Variants in RXFP1 observed in about 807,000 individuals in gnomAD.
The protein encoded by RXFP1 is relaxin family peptide receptor 1.
A neutral mutation model predicts 89.8 loss-of-function variants in RXFP1; 73 were observed. That is an observed-to-expected ratio of 0.81 (90% confidence interval 0.67 to 0.99). The LOEUF is 0.99. RXFP1 is among the 50% of genes least tolerant of loss of function. RXFP1 has a pLI of 0.00. For synonymous variants in RXFP1, 277 were observed against 305.5 expected (o/e 0.91, Z 0.97); for missense variants, 793 against 895.5 (o/e 0.89, Z 1.46).
At position 158,603,113 on chromosome 4, in the gene RXFP1, G is replaced by A. The variant is rs865838629; in HGVS notation, c.393-1955G>A. ...GCCCAGCTAATTTTTTTAATTGTTTGTAGAGATGGCGGTGGGGGGGCAGTC... is the reference window on the plus strand; with the variant it reads ...GCCCAGCTAATTTTTTTAATTGTTTATAGAGATGGCGGTGGGGGGGCAGTC... On this transcript the variant is annotated intron_variant, in intron 4 of 17. Coordinates refer to ENST00000307765, the MANE Select transcript of RXFP1 (RefSeq NM_021634.4). 1.3e-4 allele frequency among the ~76,000 whole-genome samples: 19 copies of A among 151,970 alleles called. 1 individual carries two copies. Among genetic ancestry groups the A allele is most frequent in the African/African-American group, 4.6e-4 (19 of 41,364 alleles).
At chr4:158,608,464 AAG>A (rs1307928638) in intron 6 of RXFP1, among the ~76,000 whole-genome samples, 3 of 151,176 alleles carry the variant, frequency 2.0e-5, no homozygotes, top group African/African-American at 7.3e-5. Flanking sequence ...GTCTCTGACA[AAG>A]AAAAAAAAAA....
intron 2 of RXFP1, among the ~76,000 whole-genome samples, chr4:158,592,530 T>C (rs1759703995): frequency 6.6e-6 from 1 of 152,092 alleles, no homozygotes; most frequent in Non-Finnish European, 1.5e-5. Flanking sequence ...GCCAAGATAG[T>C]GCCATTGCCC....
intron 17 of RXFP1, among the ~76,000 whole-genome samples, chr4:158,650,699 G>A (rs556195530): frequency 6.6e-6 from 1 of 152,026 alleles, no homozygotes; most frequent in South Asian, 2.1e-4. Flanking sequence ...AACTTGGGAG[G>A]CAGAGACTTC....
chr4:158,570,488 C>T (rs777685949), intron 1 of RXFP1, among the ~76,000 whole-genome samples: 5 of 152,150 alleles, frequency 3.3e-5, no homozygotes, highest in Non-Finnish European at 7.3e-5. Flanking sequence ...CACTGCCATG[C>T]TTCCAGCTGG....
intron 1 of RXFP1, among the ~76,000 whole-genome samples, chr4:158,558,791 TA>T (rs1751854272): frequency 6.6e-6 from 1 of 152,208 alleles, no homozygotes; most frequent in Non-Finnish European, 1.5e-5. Flanking sequence ...AGAAAAGCTG[TA>T]GACATGAAAG....
intron 14 of RXFP1, among the ~76,000 whole-genome samples, chr4:158,640,868 T>C (rs756457297): frequency 6.6e-6 from 1 of 152,258 alleles, no homozygotes; most frequent in Non-Finnish European, 1.5e-5. Flanking sequence ...TATCAAGGCA[T>C]GATTCAAGCA....
rs1758213025 is a variant in RXFP1 at position 158,585,866 on chromosome 4, T to TC, written c.188-7535_188-7534insC. Among the ~76,000 whole-genome samples the TC allele has an allele frequency of 2.0e-5, 3 of 152,336 alleles. No individual in the cohort carries two copies. In the South Asian group the frequency reaches 6.2e-4, roughly 32 times the overall value. On this transcript the variant is annotated intron_variant, in intron 2 of 17. Transcript: ENST00000307765. ...GTCCTTAAGTTGGGGACCACCCACA[T>TC]TAATCTTATTTGAGTGTCTTAAACT... is the stretch of plus-strand genomic sequence containing the variant.
chr4:158,651,942 G>A lies in RXFP1; in HGVS notation c.2161G>A (p.Glu721Lys). Residue 721 changes from glutamate (E) to lysine (K), a missense_variant, in exon 18 of 18, where the codon GAA becomes AAA. Physicochemically the swap from Glu to Lys is moderately conservative, Grantham distance 56. Coordinates refer to ENST00000307765, the MANE Select transcript of RXFP1 (RefSeq NM_021634.4). ...ATATGCTCCATCATTCATCTGGGTGGAAATGTGGCCACTGCAGGAGATGCC... is the reference window on the plus strand; with the variant it reads ...ATATGCTCCATCATTCATCTGGGTGAAAATGTGGCCACTGCAGGAGATGCC... Reference protein sequence around the residue: ...KTYAPSFIWVEMWPLQEMPPE... With the variant: ...KTYAPSFIWVKMWPLQEMPPE... 1 of 1,614,178 alleles carries A rather than the reference G, an allele frequency of 6.2e-7. No individual in the cohort carries two copies. Among genetic ancestry groups the A allele is most frequent in the Non-Finnish European group, 8.5e-7 (1 of 1,180,030 alleles).
At chr4:158,645,220 G>C in intron 15 of RXFP1, 82 bp downstream of exon 15, 2 of 1,022,080 alleles carry the variant, frequency 2.0e-6, no homozygotes, top group Non-Finnish European at 2.9e-6. Context: ...TGTGTGAGTG[G>C]TAGAATTATG....
At chr4:158,557,179 A>G (rs188659159) in intron 1 of RXFP1, among the ~76,000 whole-genome samples, 6 of 152,306 alleles carry the variant, frequency 3.9e-5, no homozygotes, top group Non-Finnish European at 8.8e-5. Flanking sequence ...GGAAAAATCA[A>G]ATTGTATCCT....
chr4:158,560,587 T>C (rs982575829), intron 1 of RXFP1, among the ~76,000 whole-genome samples: 2 of 152,194 alleles, frequency 1.3e-5, no homozygotes, highest in African/African-American at 2.4e-5. Flanking sequence ...CAAAGAAGCG[T>C]TTATTTTTCT....
intron 1 of RXFP1, among the ~76,000 whole-genome samples, chr4:158,542,435 G>A (rs1747040805): frequency 6.6e-6 from 1 of 152,014 alleles, no homozygotes; most frequent in South Asian, 2.1e-4. Flanking sequence ...TAGGCCTTTT[G>A]CAAACCCAAG....
At chr4:158,587,463 TA>T (rs1758520316) in intron 2 of RXFP1, among the ~76,000 whole-genome samples, 1 of 152,220 alleles carries the variant, frequency 6.6e-6, no homozygotes, top group Non-Finnish European at 1.5e-5. Context: ...GGTTGTTATT[TA>T]AATAAACTTT....
intron 1 of RXFP1, among the ~76,000 whole-genome samples, chr4:158,533,785 C>A (rs1487879145): frequency 6.6e-6 from 1 of 152,104 alleles, no homozygotes; most frequent in Admixed American, 6.5e-5. Context: ...CACAATGGTT[C>A]CTCATATTTC....
chr4:158,549,307 C>A (rs1012026555), intron 1 of RXFP1, among the ~76,000 whole-genome samples: 6 of 152,204 alleles, frequency 3.9e-5, no homozygotes, highest in Non-Finnish European at 8.8e-5. Context: ...TCAATCAGCT[C>A]CTTTAAGGAC....
chr4:158,530,409 G>C lies in RXFP1; in HGVS notation c.49+8384G>C, dbSNP rs187273957. Among the ~76,000 whole-genome samples the C allele has an allele frequency of 8.9e-4, 135 of 152,270 alleles. No homozygotes were observed. The Middle Eastern group carries it at 0.01, about 12-fold the overall frequency. ...TTTTTATCCTCTTCTCTCACCCTCT[G>C]TTGCTCACCCTAGCCTTTTGATATT... On this transcript the variant is annotated intron_variant, in intron 1 of 17. Coordinates refer to ENST00000307765, the MANE Select transcript of RXFP1 (RefSeq NM_021634.4).
chr4:158,606,095 CA>C (rs557841323), intron 5 of RXFP1, among the ~76,000 whole-genome samples: 118 of 152,130 alleles, frequency 7.8e-4, no homozygotes, highest in Non-Finnish European at 1.5e-3. Flanking sequence ...GAACATTTAT[CA>C]GTCAAAAGAG....
At chr4:158,611,774 C>T (rs1763632125) in intron 6 of RXFP1, among the ~76,000 whole-genome samples, 1 of 152,196 alleles carries the variant, frequency 6.6e-6, no homozygotes, top group Non-Finnish European at 1.5e-5. Context: ...TATATACTTC[C>T]CTCTGCTTCC....
intron 11 of RXFP1, 134 bp downstream of exon 11, chr4:158,628,843 T>G: frequency 2.4e-6 from 1 of 421,270 alleles, no homozygotes; most frequent in Non-Finnish European, 4.3e-6. Context: ...TATATACACC[T>G]CAAGCCACAA....
Sources: gnomAD v4.1 joint callset for allele counts (sites outside exome capture counted in the v4.1 genomes callset) on GRCh38, gnomAD v4.1.1 for gene constraint, MANE v1.5 for transcripts, NCBI Gene and HGNC (gene_info 2026-07-23, HGNC 2026-07-21) for gene names.